Variants in ROBO1 observed in about 807,000 individuals in gnomAD.
ROBO1 encodes roundabout homolog 1.
ROBO1 carries 149 observed loss-of-function variants against 195.9 expected under a neutral mutation model. That is an observed-to-expected ratio of 0.76 (90% CI 0.67 to 0.87). The LOEUF (loss-of-function observed/expected upper bound fraction) is 0.87, where lower values mean the gene tolerates loss of function less well. Among genes scored for constraint, ROBO1 ranks in the 40% least tolerant of loss-of-function variants. ROBO1 has a pLI of 0.00. For synonymous variants in ROBO1, 816 were observed against 733.2 expected (o/e 1.11, Z -1.82); for missense variants, 1,933 against 2,068.3 (o/e 0.93, Z 1.27).
intron 2 of ROBO1, among the ~76,000 whole-genome samples, chr3:79,548,057 T>TTTTAA (rs1184953704): frequency 6.6e-6 from 1 of 152,102 alleles, no homozygotes; most frequent in Non-Finnish European, 1.5e-5. Context: ...GCAGAAACAG[T>TTTTAA]TTTAAGCACC....
intron 3 of ROBO1, among the ~76,000 whole-genome samples, chr3:79,046,073 A>G (rs62257535): frequency 0.14 from 21,273 of 152,068 alleles, 1,590 homozygotes; most frequent in East Asian, 0.16. Context: ...AGACTTGTGT[A>G]TAACAGAATA....
intron 2 of ROBO1, among the ~76,000 whole-genome samples, chr3:79,343,723 G>GAAA (rs2034998960): frequency 6.6e-6 from 1 of 151,936 alleles, no homozygotes; most frequent in Admixed American, 6.6e-5. Flanking sequence ...AGTGGGAGAA[G>GAAA]AAGAAAATTT....
At chr3:78,821,114 T>A (rs2030867630) in intron 4 of ROBO1, among the ~76,000 whole-genome samples, 1 of 152,012 alleles carries the variant, frequency 6.6e-6, no homozygotes, top group Non-Finnish European at 1.5e-5. Flanking sequence ...AACTTCAAAT[T>A]CTATTACTGT....
At chr3:79,205,144 C>A (rs2081843565) in intron 2 of ROBO1, among the ~76,000 whole-genome samples, 1 of 151,978 alleles carries the variant, frequency 6.6e-6, no homozygotes, top group Non-Finnish European at 1.5e-5. Context: ...AGGCGCGCAC[C>A]ACCATATCCG....
chr3:79,340,321 G>T (rs918903909), intron 2 of ROBO1, among the ~76,000 whole-genome samples: 3 of 152,200 alleles, frequency 2.0e-5, no homozygotes, highest in African/African-American at 4.8e-5. Context: ...GATGGGACAA[G>T]TCCTCAGAGT....
At chr3:78,910,318 TTTTGTG>T (rs1408043252) in intron 4 of ROBO1, among the ~76,000 whole-genome samples, 1 of 151,754 alleles carries the variant, frequency 6.6e-6, no homozygotes, top group African/African-American at 2.4e-5. Flanking sequence ...GTCCAGAAAG[TTTTGTG>T]TTTGTTTTTG....
chr3:78,679,853 A>T (rs1341229427), intron 10 of ROBO1, among the ~76,000 whole-genome samples: 1 of 152,046 alleles, frequency 6.6e-6, no homozygotes, highest in African/African-American at 2.4e-5. Context: ...TATGGAACCA[A>T]AAAAGAGCCC....
intron 5 of ROBO1, among the ~76,000 whole-genome samples, chr3:78,742,081 C>A (rs1559806019): frequency 6.6e-6 from 1 of 152,030 alleles, no homozygotes; most frequent in Non-Finnish European, 1.5e-5. Flanking sequence ...ACATATTTCC[C>A]CTTTTTGTAG....
intron 2 of ROBO1, among the ~76,000 whole-genome samples, chr3:79,235,013 A>G (rs2082383258): frequency 6.6e-6 from 1 of 152,174 alleles, no homozygotes; most frequent in South Asian, 2.1e-4. Flanking sequence ...AAGCAATATC[A>G]AATAAATGCA....
intron 2 of ROBO1, among the ~76,000 whole-genome samples, chr3:79,331,876 C>T (rs1424516202): frequency 6.6e-6 from 1 of 152,132 alleles, no homozygotes; most frequent in Non-Finnish European, 1.5e-5. Flanking sequence ...GGCGCGGTGG[C>T]TCATGCCTGT....
chr3:79,328,684 T>A lies in ROBO1; in HGVS notation c.89-203145A>T, dbSNP rs942415236. Among the ~76,000 whole-genome samples the A allele has an allele frequency of 3.5e-4, 53 of 151,980 alleles. 1 individual carries two copies. The highest frequency in any genetic ancestry group is 1.2e-3 in the African/African-American group (51 of 41,368). On this transcript the variant is annotated intron_variant, in intron 2 of 30. Transcript: ENST00000464233. Reference sequence around the variant, plus strand: ...GGGTTTTTTTGGCTATATGGGTAAGTTCTTTAGTGGTAATTTCTGAGATTT... The same window carrying A: ...GGGTTTTTTTGGCTATATGGGTAAGATCTTTAGTGGTAATTTCTGAGATTT...
At chr3:78,949,574 G>A (rs1391061998) in intron 3 of ROBO1, among the ~76,000 whole-genome samples, 2 of 152,062 alleles carry the variant, frequency 1.3e-5, no homozygotes, top group East Asian at 1.9e-4. Flanking sequence ...GAAAACCTAG[G>A]CAATACCATT....
intron 2 of ROBO1, among the ~76,000 whole-genome samples, chr3:79,331,969 C>T (rs944336014): frequency 2.6e-5 from 4 of 151,792 alleles, no homozygotes; most frequent in East Asian, 1.9e-4. Context: ...GGTGAAACCC[C>T]GTCTTTACTA....
At chr3:79,047,356 T>C (rs892052910) in intron 3 of ROBO1, among the ~76,000 whole-genome samples, 4 of 152,030 alleles carry the variant, frequency 2.6e-5, no homozygotes, top group Middle Eastern at 3.4e-3. Context: ...ATGAGATATA[T>C]TGAAGGAAGG....
rs556970808 is a variant in ROBO1, at chr3:79,016,113, T to C, written c.173-77186A>G. On this transcript the variant is annotated intron_variant, in intron 3 of 30. Coordinates refer to ENST00000464233, the MANE Select transcript of ROBO1 (RefSeq NM_002941.4). ...AATCTTTCAAGAACTTCATTCATTC[T>C]CTGACCAGGTGTCTTCAACACACCC... is the stretch of plus-strand genomic sequence containing the variant. Among the ~76,000 whole-genome samples, 4 of 152,348 alleles carry C rather than the reference T, an allele frequency of 2.6e-5. No individual in the cohort carries two copies. In the East Asian group the frequency reaches 7.7e-4, roughly 29 times the overall value.
At chr3:78,681,485 G>A (rs144091822) in intron 10 of ROBO1, among the ~76,000 whole-genome samples, 24 of 152,264 alleles carry the variant, frequency 1.6e-4, no homozygotes, top group East Asian at 1.9e-4. Context: ...ACACAAAAAC[G>A]TATAGGATGC....
At chr3:79,635,307 G>A (rs1024193329) in intron 1 of ROBO1, among the ~76,000 whole-genome samples, 1 of 152,164 alleles carries the variant, frequency 6.6e-6, no homozygotes, top group Non-Finnish European at 1.5e-5. Flanking sequence ...AATCTGGAAA[G>A]AAGCAAATTG....
intron 2 of ROBO1, among the ~76,000 whole-genome samples, chr3:79,469,263 C>CA (rs1938137879): frequency 6.6e-6 from 1 of 151,622 alleles, no homozygotes; most frequent in South Asian, 2.1e-4. Context: ...AATTAATTAG[C>CA]AAAAAATCAA....
chr3:79,234,089 T>C (rs2082366112), intron 2 of ROBO1, among the ~76,000 whole-genome samples: 1 of 152,188 alleles, frequency 6.6e-6, no homozygotes, highest in South Asian at 2.1e-4. Context: ...ATATTAGACC[T>C]TTGTCAGATG....
Sources: gnomAD v4.1 joint callset for allele counts (sites outside exome capture counted in the v4.1 genomes callset) on GRCh38, gnomAD v4.1.1 for gene constraint, MANE v1.5 for transcripts, NCBI Gene and HGNC (gene_info 2026-07-23, HGNC 2026-07-21) for gene names.